The following UST variants were observed in gnomAD, a reference collection of about 807,000 sequenced individuals.
UST encodes uronyl 2-sulfotransferase.
UST carries 21 observed loss-of-function variants against 45.6 expected under a neutral mutation model. The observed-to-expected ratio is 0.46, with a 90% CI of 0.33 to 0.66. The LOEUF is 0.66. Among genes scored for constraint, UST ranks in the 30% least tolerant of loss-of-function variants. UST has a pLI of 0.02. For synonymous variants in UST, 215 were observed against 200.6 expected, an observed-to-expected ratio of 1.07 and a Z score of -0.61; for missense variants, 463 against 512.4, an observed-to-expected ratio of 0.90 and a Z score of 0.93.
At chr6:149,021,004 A>G (rs976941785) in intron 6 of UST, among the ~76,000 whole-genome samples, 1 of 152,200 alleles carries the variant, frequency 6.6e-6, no homozygotes, top group Admixed American at 6.5e-5. Flanking sequence ...TCACCCCTTG[A>G]TTAGTATTTG....
At chr6:149,017,487 G>GA (rs1339456414) in intron 5 of UST, among the ~76,000 whole-genome samples, 1 of 152,116 alleles carries the variant, frequency 6.6e-6, no homozygotes, top group East Asian at 1.9e-4. Context: ...CCAACCACCA[G>GA]AAAAAACTGC....
intron 7 of UST, among the ~76,000 whole-genome samples, chr6:149,025,686 A>G (rs1340975794): frequency 6.6e-6 from 1 of 152,170 alleles, no homozygotes; most frequent in Admixed American, 6.5e-5. Flanking sequence ...AATCCTTATT[A>G]TGTTTGTTTA....
intron 1 of UST, among the ~76,000 whole-genome samples, chr6:148,835,658 G>A (rs573536005): frequency 6.6e-6 from 1 of 152,278 alleles, no homozygotes; most frequent in African/African-American, 2.4e-5. Context: ...TACCAAGCCA[G>A]GCATCCCTGG....
In UST at chr6:148,747,400, G is replaced by C. The variant is rs775108598; in HGVS notation, c.-31G>C. 1 of 1,371,216 alleles carries C rather than the reference G, an allele frequency of 7.3e-7. No individual in the cohort carries two copies. The highest frequency in any genetic ancestry group is 9.5e-7 in the Non-Finnish European group (1 of 1,056,586). The allele number at this position is 1,371,216 out of a possible 1,614,324, so 84.9% of individuals were successfully genotyped here. ...CGGATGGGTGACCTTTTCCTGGCACGGGCAGGCTGTGGGAGGCAGCGGAGC... is the reference window on the plus strand; with the variant it reads ...CGGATGGGTGACCTTTTCCTGGCACCGGCAGGCTGTGGGAGGCAGCGGAGC... On this transcript the variant is annotated 5_prime_UTR_variant, in exon 1 of 8. Transcript: ENST00000367463.
intron 5 of UST, among the ~76,000 whole-genome samples, chr6:149,018,357 A>G (rs1046965710): frequency 6.6e-5 from 10 of 152,186 alleles, no homozygotes; most frequent in Admixed American, 2.0e-4. Flanking sequence ...CTGGAAAAAC[A>G]TCCTACAGCT....
intron 5 of UST, among the ~76,000 whole-genome samples, chr6:149,002,058 A>T (rs1363873325): frequency 6.6e-6 from 1 of 152,150 alleles, no homozygotes; most frequent in African/African-American, 2.4e-5. Flanking sequence ...GCCCTTCCTC[A>T]GACTCTCTCA....
intron 1 of UST, among the ~76,000 whole-genome samples, chr6:148,767,297 A>G (rs1031260596): frequency 7.9e-5 from 12 of 152,228 alleles, no homozygotes; most frequent in African/African-American, 2.9e-4. Context: ...AACATTAAGT[A>G]TTTCTTAAGT....
intron 4 of UST, 26 bp downstream of exon 4, chr6:148,953,977 T>C: frequency 6.5e-7 from 1 of 1,532,488 alleles, no homozygotes; most frequent in Non-Finnish European, 8.9e-7. Context: ...GTTTAATGGT[T>C]CTTTCATTTT....
At chr6:148,898,730 A>G (rs1779185133) in intron 2 of UST, among the ~76,000 whole-genome samples, 3 of 152,166 alleles carry the variant, frequency 2.0e-5, no homozygotes, top group African/African-American at 7.2e-5. Context: ...CAGTTTTAAA[A>G]ATATGTAGTT....
At chr6:148,840,369 G>A (rs1161216058) in intron 1 of UST, among the ~76,000 whole-genome samples, 2 of 152,190 alleles carry the variant, frequency 1.3e-5, no homozygotes, top group African/African-American at 4.8e-5. Flanking sequence ...TGATTTACAC[G>A]TTCAGTTTTC....
chr6:148,779,795 A>C (rs1041745131), intron 1 of UST, among the ~76,000 whole-genome samples: 1 of 152,162 alleles, frequency 6.6e-6, no homozygotes, highest in Non-Finnish European at 1.5e-5. Context: ...TAACATTTTA[A>C]AGCCTCCCCT....
intron 5 of UST, among the ~76,000 whole-genome samples, chr6:149,009,560 A>AACACACACACACACACAC (rs113280120): frequency 1.4e-5 from 2 of 143,036 alleles, no homozygotes; most frequent in Admixed American, 1.4e-4. Flanking sequence ...CTGATGTTAA[A>AACACACACACACACACAC]ACACACACAC....
chr6:148,877,910 G>A (rs185073962), intron 1 of UST, among the ~76,000 whole-genome samples: 1 of 107,868 alleles, frequency 9.3e-6, no homozygotes, highest in Non-Finnish European at 1.9e-5. Flanking sequence ...TCATGTACGA[G>A]TGCGGAGATT....
rs1457279469 is a variant in UST, at chr6:148,934,757, C to G, written c.292-6522C>G. Among the ~76,000 whole-genome samples, 1 of 152,044 alleles carries G rather than the reference C, an allele frequency of 6.6e-6. No individual in the cohort carries two copies. Among genetic ancestry groups the G allele is most frequent in the African/African-American group, 2.4e-5 (1 of 41,376 alleles). ...AAAGCTGATGGAGTTGGCAGAGGGCCCTGGTGAGCTTTTTAGAGAGAGACT... is the reference window on the plus strand; with the variant it reads ...AAAGCTGATGGAGTTGGCAGAGGGCGCTGGTGAGCTTTTTAGAGAGAGACT... On this transcript the variant is annotated intron_variant, in intron 2 of 7. Coordinates refer to ENST00000367463, the MANE Select transcript of UST (RefSeq NM_005715.3). The surrounding 1 kb of genome is among the most constrained non-coding windows in gnomAD (Gnocchi z 4.1).
intron 5 of UST, among the ~76,000 whole-genome samples, chr6:148,985,481 G>T (rs990625892): frequency 6.6e-6 from 1 of 152,134 alleles, no homozygotes; most frequent in African/African-American, 2.4e-5. Context: ...GAGGAAAAAA[G>T]TTCTGAGAGG....
chr6:149,056,015 C>T (rs1776557295), intron 7 of UST, among the ~76,000 whole-genome samples: 2 of 151,754 alleles, frequency 1.3e-5, no homozygotes, highest in African/African-American at 4.9e-5. Flanking sequence ...AATTTTTTTC[C>T]CAGGCTGCAT....
intron 1 of UST, among the ~76,000 whole-genome samples, chr6:148,824,505 G>A (rs1246526996): frequency 2.0e-5 from 3 of 152,180 alleles, no homozygotes; most frequent in East Asian, 3.9e-4. Context: ...TCCACCTCTG[G>A]GAGGGGTGGA....
intron 1 of UST, among the ~76,000 whole-genome samples, chr6:148,808,622 TA>T (rs1222987466): frequency 6.6e-6 from 1 of 151,964 alleles, no homozygotes; most frequent in Non-Finnish European, 1.5e-5. Context: ...TGATATAAAT[TA>T]AAGAAGCGTT....
At chr6:148,758,550 G>A (rs930897383) in intron 1 of UST, among the ~76,000 whole-genome samples, 1 of 152,200 alleles carries the variant, frequency 6.6e-6, no homozygotes, top group African/African-American at 2.4e-5. Context: ...CACTGTGCCT[G>A]CTCCCAGAAC....
Sources: allele counts gnomAD v4.1 joint callset (sites outside exome capture counted in the v4.1 genomes callset), GRCh38; gene constraint gnomAD v4.1.1; non-coding constraint Gnocchi (gnomAD v3.1); transcripts MANE v1.5; gene names NCBI Gene and HGNC (gene_info 2026-07-23, HGNC 2026-07-21).